The following MAP3K7CL variants were observed in gnomAD, a reference collection of about 807,000 sequenced individuals.
The protein encoded by MAP3K7CL is MAP3K7 C-terminal-like protein.
Under a neutral mutation model 18.6 loss-of-function variants are expected in MAP3K7CL, and 16 were observed. The observed-to-expected ratio is 0.86, with a 90% CI of 0.58 to 1.31. The LOEUF (loss-of-function observed/expected upper bound fraction) is 1.31. MAP3K7CL is among the 50% of genes most tolerant of loss of function. The pLI, the probability that MAP3K7CL is intolerant of heterozygous loss-of-function variation, is 0.00. For missense variants in MAP3K7CL, 163 were observed against 174.4 expected (o/e 0.93, Z 0.37); for synonymous variants, 65 against 66.8 (o/e 0.97, Z 0.13).
intron 2 of MAP3K7CL, among the ~76,000 whole-genome samples, chr21:29,137,009 G>A (rs1291553245): frequency 1.3e-5 from 2 of 152,226 alleles, no homozygotes; most frequent in Non-Finnish European, 2.9e-5. Context: ...TCAGTTTCCT[G>A]TAAGATGCGT....
chr21:29,084,750 A>G (rs944699079), upstream of MAP3K7CL, among the ~76,000 whole-genome samples: 1 of 152,230 alleles, frequency 6.6e-6, no homozygotes, highest in South Asian at 2.1e-4. Flanking sequence ...AGGAATCTCA[A>G]TGAAGAAGGA....
rs951999637 is a variant in MAP3K7CL, at chr21:29,174,907, G to A, written c.*15G>A. On this transcript the variant is annotated 3_prime_UTR_variant, in exon 5 of 5. Transcript: ENST00000399928. Reference sequence around the variant, plus strand: ...GCTCGTCCTAACTTTAAATTTTTCAGTGTGAGCATACGAGGCTGATGACTG... The same window carrying A: ...GCTCGTCCTAACTTTAAATTTTTCAATGTGAGCATACGAGGCTGATGACTG... 8.1e-6 allele frequency: 13 copies of A among 1,611,674 alleles called. No individual in the cohort carries two copies. Among genetic ancestry groups the A allele is most frequent in the South Asian group, 1.1e-5 (1 of 90,780 alleles).
At chr21:29,089,545 G>T in intron 1 of MAP3K7CL, among the ~76,000 whole-genome samples, 1 of 152,218 alleles carries the variant, frequency 6.6e-6, no homozygotes. Flanking sequence ...CTAAGTTAGG[G>T]GCTGCTTATA....
At chr21:29,106,187 GC>G (rs2086319311) in intron 4 of MAP3K7CL, among the ~76,000 whole-genome samples, 1 of 151,956 alleles carries the variant, frequency 6.6e-6, no homozygotes, top group Non-Finnish European at 1.5e-5. Flanking sequence ...TAAGAAAACG[GC>G]ACTTTTTTTT....
intron 4 of MAP3K7CL, 65 bp downstream of exon 4, chr21:29,160,121 G>A: frequency 1.6e-6 from 2 of 1,274,502 alleles, no homozygotes; most frequent in Non-Finnish European, 2.3e-6. Flanking sequence ...CAGGGGCAAT[G>A]GGCAGGGGAC....
chr21:29,108,290 A>T (rs1046010939), intron 4 of MAP3K7CL, among the ~76,000 whole-genome samples: 4 of 152,200 alleles, frequency 2.6e-5, no homozygotes, highest in African/African-American at 9.6e-5. Flanking sequence ...AGGTCATGTG[A>T]GGACATAGCA....
Position 29,114,505 on chromosome 21 carries a change from C to T in MAP3K7CL, c.370+21924C>T, listed in dbSNP as rs564323805. Among the ~76,000 whole-genome samples, 4 of 152,294 alleles carry T rather than the reference C, an allele frequency of 2.6e-5. No individual in the cohort carries two copies. In the South Asian group the frequency reaches 8.3e-4, roughly 32 times the overall value. On this transcript the variant is annotated intron_variant, in intron 4 of 6. Coordinates refer to the MAP3K7CL transcript ENST00000286791. ...TCTCGAGCTCAATTGATCCTCCCAC[C>T]TCAGCCTCTCAAGTAGCTGAGTCTA...
At chr21:29,109,670 T>C (rs2086385765) in intron 4 of MAP3K7CL, 1 of 987,298 alleles carries the variant, frequency 1.0e-6, no homozygotes, top group Non-Finnish European at 1.2e-6. Flanking sequence ...ACTCTGCATT[T>C]AGGGTTCTCT....
chr21:29,162,645 T>C (rs2087578722), intron 4 of MAP3K7CL, among the ~76,000 whole-genome samples: 1 of 150,190 alleles, frequency 6.7e-6, no homozygotes, highest in Admixed American at 6.7e-5. Flanking sequence ...ATCGTGCCAT[T>C]GCACTCCAGC....
At chr21:29,123,775 G>T (rs2086637453) in intron 4 of MAP3K7CL, among the ~76,000 whole-genome samples, 1 of 152,140 alleles carries the variant, frequency 6.6e-6, no homozygotes, top group East Asian at 1.9e-4. Flanking sequence ...GTGCTATTTG[G>T]TTCTGTTAAT....
At chr21:29,155,815 C>T (rs556601512) in intron 3 of MAP3K7CL, among the ~76,000 whole-genome samples, 3 of 152,290 alleles carry the variant, frequency 2.0e-5, no homozygotes, top group South Asian at 2.1e-4. Context: ...TGACCTCACC[C>T]AAGCCCCAGT....
chr21:29,114,484 G>C (rs992511340), intron 4 of MAP3K7CL, among the ~76,000 whole-genome samples: 5 of 152,040 alleles, frequency 3.3e-5, no homozygotes, highest in African/African-American at 1.2e-4. Context: ...TCGACCTCTC[G>C]AGCTCAATTG....
upstream of MAP3K7CL, chr21:29,127,768 G>A (rs1240238391): frequency 6.6e-6 from 1 of 152,204 alleles, no homozygotes; most frequent in Non-Finnish European, 1.5e-5. Flanking sequence ...CAGTGTTGCA[G>A]CTCACACAGT....
At chr21:29,089,672 A>C (rs1367976523) in intron 1 of MAP3K7CL, among the ~76,000 whole-genome samples, 1 of 152,208 alleles carries the variant, frequency 6.6e-6, no homozygotes, top group Non-Finnish European at 1.5e-5. Context: ...CCTCACAAGG[A>C]AACTGTACTG....
chr21:29,151,446 C>T (rs2087273717), intron 3 of MAP3K7CL, among the ~76,000 whole-genome samples: 1 of 151,958 alleles, frequency 6.6e-6, no homozygotes, highest in Non-Finnish European at 1.5e-5. Context: ...TGCACTCCAG[C>T]CTGGGCAACA....
chr21:29,161,832 A>G (rs371780721), intron 4 of MAP3K7CL, among the ~76,000 whole-genome samples: 148 of 152,342 alleles, frequency 9.7e-4, no homozygotes, highest in African/African-American at 3.2e-3. Flanking sequence ...GATGGTGGAC[A>G]GTATGGGTTT....
intron 3 of MAP3K7CL, among the ~76,000 whole-genome samples, chr21:29,159,259 A>G (rs1216438705): frequency 6.6e-6 from 1 of 152,196 alleles, no homozygotes; most frequent in Non-Finnish European, 1.5e-5. Flanking sequence ...AATAATTCCT[A>G]GAAGTAGGGT....
intron 1 of MAP3K7CL, among the ~76,000 whole-genome samples, chr21:29,087,921 A>G (rs553497237): frequency 1.3e-5 from 2 of 152,244 alleles, no homozygotes; most frequent in South Asian, 2.1e-4. Flanking sequence ...ATCATGCTAT[A>G]CAACACTATG....
chr21:29,113,239 G>A (rs527925238), intron 4 of MAP3K7CL, among the ~76,000 whole-genome samples: 143 of 152,166 alleles, frequency 9.4e-4, no homozygotes, highest in African/African-American at 2.9e-3. Context: ...AATTTCCATC[G>A]TGTATATTTT....
Sources: gnomAD v4.1 joint callset for allele counts (sites outside exome capture counted in the v4.1 genomes callset) on GRCh38, gnomAD v4.1.1 for gene constraint, MANE v1.5 for transcripts, NCBI Gene and HGNC (gene_info 2026-07-23, HGNC 2026-07-21) for gene names.